BCCIP: variants seen among roughly 807,000 people sequenced by gnomAD.
The protein encoded by BCCIP is BRCA2 and CDKN1A interacting protein.
Under a neutral mutation model 32.8 loss-of-function variants are expected in BCCIP, and 23 were observed. The ratio of observed to expected loss-of-function variants is 0.70; its 90% CI spans 0.51 to 0.99. The LOEUF (loss-of-function observed/expected upper bound fraction) is 0.99. BCCIP is among the 50% of genes least tolerant of loss of function. The pLI is 0.00. For synonymous variants in BCCIP, 144 were observed against 137.6 expected (o/e 1.05, Z -0.33); for missense variants, 378 against 379.8 (o/e 1.00, Z 0.04).
At chr10:125,848,803 C>T (rs1248610360) in intron 7 of BCCIP, among the ~76,000 whole-genome samples, 1 of 152,118 alleles carries the variant, frequency 6.6e-6, no homozygotes, top group East Asian at 1.9e-4. Flanking sequence ...TTACTATACA[C>T]CAGTCACTTT....
chr10:125,826,798 G>C, intron 2 of BCCIP, 133 bp downstream of exon 2: 1 of 1,421,698 alleles, frequency 7.0e-7, no homozygotes, highest in South Asian at 1.4e-5. Flanking sequence ...CCAGGAGTTT[G>C]AGACCAGCCT....
chr10:125,834,392 T>G (rs1376969210), intron 6 of BCCIP, among the ~76,000 whole-genome samples: 1 of 152,182 alleles, frequency 6.6e-6, no homozygotes, highest in Non-Finnish European at 1.5e-5. Flanking sequence ...GTGTCCTTAG[T>G]CGTGGATGTC....
chr10:125,833,814 G>A lies in BCCIP; in HGVS notation c.642G>A (p.Gly214=). The A allele has an allele frequency of 6.2e-7, 1 of 1,614,200 alleles. No homozygotes were observed. The highest frequency in any genetic ancestry group is 8.5e-7 in the Non-Finnish European group (1 of 1,180,042). The stretch of plus-strand genomic sequence containing the variant: ...CACACAGAACCAATAAGCCATGTGG[G>A]AAGTGCTACTTTTACCTTCTGATTA... ...AGAHRTNKPC[G]KCYFYLLISK... is the part of the protein sequence containing the mutation. The change falls in exon 6 of 7, where the codon GGG becomes GGA. Residue 214 remains glycine, a synonymous_variant. Coordinates refer to ENST00000278100, the MANE Select transcript of BCCIP (RefSeq NM_078468.3).
downstream of BCCIP, chr10:125,838,302 G>T: frequency 6.2e-7 from 1 of 1,613,934 alleles, no homozygotes; most frequent in Non-Finnish European, 8.5e-7. Context: ...CTTGGTGATT[G>T]AGTAACCAGA....
downstream of BCCIP, chr10:125,838,370 A>C (rs746736494): frequency 3.1e-6 from 5 of 1,590,826 alleles, no homozygotes; most frequent in Non-Finnish European, 3.4e-6. Context: ...TACCTGATCC[A>C]TCAACATCCC....
rs377164983 is a variant in BCCIP, at chr10:125,824,530, T to C, written c.165+808T>C. 7.2e-5 allele frequency among the ~76,000 whole-genome samples: 11 copies of C among 152,334 alleles called. No homozygotes were observed. In the South Asian group the frequency reaches 2.3e-3, roughly 32 times the overall value. On this transcript the variant is annotated intron_variant, in intron 1 of 6. Coordinates refer to ENST00000278100, the MANE Select transcript of BCCIP (RefSeq NM_078468.3). ...CTGCTCTAACCCAAAACCTGGGGCT[T>C]AACTTTAATTCCTCCCTTTCCTCAT...
downstream of BCCIP, among the ~76,000 whole-genome samples, chr10:125,837,262 A>C (rs941508430): frequency 6.6e-6 from 1 of 152,206 alleles, no homozygotes; most frequent in Non-Finnish European, 1.5e-5. Context: ...TGCGTAAGCC[A>C]GACATCTATG....
intron 6 of BCCIP, among the ~76,000 whole-genome samples, chr10:125,835,187 GGAT>G (rs1210077849): frequency 1.3e-5 from 2 of 151,928 alleles, no homozygotes; most frequent in Non-Finnish European, 2.9e-5. Flanking sequence ...TTCCTGAATT[GGAT>G]GATATCACAT....
At chr10:125,851,229 A>C (rs1226878049) in intron 7 of BCCIP, among the ~76,000 whole-genome samples, 1 of 152,224 alleles carries the variant, frequency 6.6e-6, no homozygotes, top group Non-Finnish European at 1.5e-5. Context: ...TTGCTTCCAA[A>C]ACAATGAGTC....
rs372752900 is a variant in BCCIP, at chr10:125,848,529, G to A, written c.851-4596G>A. On this transcript the variant is annotated intron_variant, in intron 7 of 7. Coordinates refer to the BCCIP transcript ENST00000368759. ...TTTGAACTTGGGCCTTCCACCGGCA[G>A]TGTTGAACCTGGCACCTGGCATGCT... Among the ~76,000 whole-genome samples, 103 of 152,322 alleles carry A rather than the reference G, an allele frequency of 6.8e-4. No homozygotes were observed. The South Asian group carries it at 0.02, about 30-fold the overall frequency.
chr10:125,853,303 T>A, exon 8 of BCCIP: 1 of 955,498 alleles, frequency 1.0e-6, no homozygotes, highest in Non-Finnish European at 1.5e-6. Flanking sequence ...TCTCGGCACC[T>A]AGTAATGGTA....
rs373239184 is a variant in BCCIP, at chr10:125,829,469, T to C, written c.322-1093T>C. ...CAGAGCCAAAATTCTTGAAAAGTAA[T>C]CTTAAGTCATGGTTTCTACTTCCTG... is the stretch of plus-strand genomic sequence containing the variant. On this transcript the variant is annotated intron_variant, in intron 3 of 6. Transcript: ENST00000278100. Among the ~76,000 whole-genome samples, 140 of 152,302 alleles carry C rather than the reference T, an allele frequency of 9.2e-4. 1 individual carries two copies. In the South Asian group the frequency reaches 0.015, roughly 17 times the overall value.
At chr10:125,840,863 CAG>C, downstream of BCCIP, 1 of 1,593,162 alleles carries the variant, frequency 6.3e-7, no homozygotes, top group Non-Finnish European at 8.6e-7. Context: ...TGCTAGAATT[CAG>C]AGTTGTGTCT....
Position 125,826,543 on chromosome 10 carries a change from G to C in BCCIP, c.166-48G>C, listed in dbSNP as rs371552118. 3.1e-6 allele frequency: 5 copies of C among 1,608,872 alleles called. No homozygotes were observed. The African/African-American group carries it at 6.7e-5, about 22-fold the overall frequency. On this transcript the variant is annotated intron_variant, in intron 1 of 6. Transcript: ENST00000278100. The stretch of plus-strand genomic sequence containing the variant: ...CAATGTTTGCCTGTTTTAAAGTCTA[G>C]ATGTTTGTAGTTTTTCTGGTAACAA...
downstream of BCCIP, chr10:125,841,413 A>G: frequency 1.3e-6 from 2 of 1,597,556 alleles, no homozygotes; most frequent in Non-Finnish European, 1.7e-6. Context: ...AAAAACAGGC[A>G]CACAACATTA....
rs892686684 is a variant in BCCIP, at chr10:125,853,504, T to C, written c.*261T>C. 3.4e-5 allele frequency: 8 copies of C among 232,428 alleles called. No individual in the cohort carries two copies. The South Asian group carries it at 1.1e-3, about 32-fold the overall frequency. The allele number at this position is 232,428 out of a possible 1,614,324, so 14.4% of individuals were successfully genotyped here. A position where few individuals can be genotyped will look rare whatever the true frequency, so the allele number is the denominator to read the frequency against. On this transcript the variant is annotated 3_prime_UTR_variant, in exon 8 of 8. Coordinates refer to the BCCIP transcript ENST00000368759. Reference sequence around the variant, plus strand: ...AATTATAAGCCAAAATTTGCTAAAATTAAAGTCAGTATACTTGAAACAAGT... The same window carrying C: ...AATTATAAGCCAAAATTTGCTAAAACTAAAGTCAGTATACTTGAAACAAGT...
intron 7 of BCCIP, chr10:125,853,000 T>C (rs1944111122): frequency 1.7e-5 from 12 of 712,232 alleles, no homozygotes; most frequent in Non-Finnish European, 2.6e-5. Flanking sequence ...GCCATGTTTC[T>C]TTATAGTTTT....
chr10:125,846,643 C>A (rs1278771567), downstream of BCCIP, among the ~76,000 whole-genome samples: 1 of 152,170 alleles, frequency 6.6e-6, no homozygotes, highest in Non-Finnish European at 1.5e-5. Flanking sequence ...TGCACTTTTA[C>A]CTCCAAATTG....
chr10:125,823,818 C>G (rs1854257155), intron 1 of BCCIP, 96 bp downstream of exon 1: 6 of 1,516,664 alleles, frequency 4.0e-6, no homozygotes, highest in Non-Finnish European at 5.3e-6. Flanking sequence ...TTCCCTGACC[C>G]TGAGGGTCTG....
Sources: gnomAD v4.1 joint callset for allele counts (sites outside exome capture counted in the v4.1 genomes callset) on GRCh38, gnomAD v4.1.1 for gene constraint, MANE v1.5 for transcripts, NCBI Gene and HGNC (gene_info 2026-07-23, HGNC 2026-07-21) for gene names.